The following RFTN2 variants were observed in gnomAD, a reference collection of about 807,000 sequenced individuals.
RFTN2 encodes the protein raftlin-2.
Under a neutral mutation model 52.7 loss-of-function variants are expected in RFTN2, and 34 were observed. The observed-to-expected ratio is 0.64, with a 90% confidence interval of 0.49 to 0.86. The LOEUF (loss-of-function observed/expected upper bound fraction) is 0.86, where lower values mean the gene tolerates loss of function less well. Ranked by LOEUF, RFTN2 falls within the 40% of genes least tolerant of loss-of-function variation. The pLI, the probability that RFTN2 is intolerant of heterozygous loss-of-function variation, is 0.00. For synonymous variants in RFTN2, 203 were observed against 217.7 expected, an observed-to-expected ratio of 0.93 and a Z score of 0.59; for missense variants, 536 against 600.1, an observed-to-expected ratio of 0.89 and a Z score of 1.12.
intron 7 of RFTN2, among the ~76,000 whole-genome samples, chr2:197,611,328 G>C (rs1030618713): frequency 2.0e-5 from 3 of 152,078 alleles, no homozygotes; most frequent in African/African-American, 7.2e-5. Context: ...ACTTCTTCCT[G>C]GTTTAGTCTT....
At chr2:197,640,656 C>G (rs943131112) in intron 3 of RFTN2, among the ~76,000 whole-genome samples, 7 of 152,234 alleles carry the variant, frequency 4.6e-5, no homozygotes, top group Non-Finnish European at 7.3e-5. Context: ...GTGAGATGAA[C>G]CCGGTACCTC....
intron 7 of RFTN2, among the ~76,000 whole-genome samples, chr2:197,600,393 C>T (rs1175887368): frequency 2.6e-5 from 4 of 152,104 alleles, no homozygotes; most frequent in East Asian, 1.9e-4. Flanking sequence ...TGAGATATGT[C>T]GGAAACTTCT....
At chr2:197,589,998 C>T (rs1274988475) in intron 8 of RFTN2, among the ~76,000 whole-genome samples, 1 of 152,138 alleles carries the variant, frequency 6.6e-6, no homozygotes, top group Admixed American at 6.5e-5. Context: ...CCTCCATCTC[C>T]CAGGCTCCAG....
intron 1 of RFTN2, among the ~76,000 whole-genome samples, chr2:197,665,974 ATGT>A (rs1216687738): frequency 6.6e-6 from 1 of 151,946 alleles, no homozygotes; most frequent in African/African-American, 2.4e-5. Context: ...ATGATGGTAA[ATGT>A]TGTCCTTTCA....
At chr2:197,662,295 T>G (rs1205114300) in intron 1 of RFTN2, among the ~76,000 whole-genome samples, 1 of 152,204 alleles carries the variant, frequency 6.6e-6, no homozygotes, top group Non-Finnish European at 1.5e-5. Context: ...CCAGTTTGAG[T>G]TGATTTTTGT....
intron 5 of RFTN2, among the ~76,000 whole-genome samples, chr2:197,626,154 G>C (rs149260916): frequency 1.3e-5 from 2 of 152,068 alleles, no homozygotes; most frequent in Non-Finnish European, 2.9e-5. Flanking sequence ...GAATGAATTG[G>C]AATAAATATC....
intron 1 of RFTN2, among the ~76,000 whole-genome samples, chr2:197,648,021 C>A (rs1234177459): frequency 6.6e-6 from 1 of 152,222 alleles, no homozygotes; most frequent in African/African-American, 2.4e-5. Flanking sequence ...TTGATTATCT[C>A]TTAAGTAACA....
intron 8 of RFTN2, among the ~76,000 whole-genome samples, chr2:197,589,171 G>A (rs941051686): frequency 7.6e-6 from 1 of 132,330 alleles, no homozygotes; most frequent in Non-Finnish European, 1.5e-5. Flanking sequence ...GCAGTGAGCT[G>A]AGACCATGCC....
intron 8 of RFTN2, among the ~76,000 whole-genome samples, chr2:197,581,303 CTT>C (rs2087504326): frequency 6.6e-6 from 1 of 152,202 alleles, no homozygotes; most frequent in Admixed American, 6.5e-5. Flanking sequence ...CCTGTACACT[CTT>C]TTGTCCTCAA....
intron 5 of RFTN2, 59 bp from the exon 6 acceptor site, chr2:197,617,980 A>G: frequency 3.0e-6 from 4 of 1,354,054 alleles, no homozygotes; most frequent in Non-Finnish European, 3.9e-6. Flanking sequence ...TCATAAAACC[A>G]TCTAAATCCT....
rs1199242919 is a variant in RFTN2, at chr2:197,602,025, TAA to T, written c.1155-5958_1155-5957del. 2.6e-5 allele frequency among the ~76,000 whole-genome samples: 4 copies of T among 152,100 alleles called. No homozygotes were observed. The East Asian group carries it at 7.7e-4, about 29-fold the overall frequency. On this transcript the variant is annotated intron_variant, in intron 7 of 8. Coordinates refer to ENST00000295049, the MANE Select transcript of RFTN2 (RefSeq NM_144629.3). Reference sequence around the variant, plus strand: ...AACAAACAAGCAACAAAAATGAAACTAAAAAAAAGTTCTATTTATAGTTTGAC... The same window carrying T: ...AACAAACAAGCAACAAAAATGAAACTAAAAAAGTTCTATTTATAGTTTGAC...
chr2:197,612,124 T>C (rs902820532), intron 7 of RFTN2, among the ~76,000 whole-genome samples: 2 of 152,208 alleles, frequency 1.3e-5, no homozygotes, highest in African/African-American at 2.4e-5. Context: ...GTCTATTAGG[T>C]TCACTTGAGG....
At position 197,589,359 on chromosome 2, in the gene RFTN2, T is replaced by C. The variant is rs72914994; in HGVS notation, c.1233+6632A>G. Among the ~76,000 whole-genome samples, 3 of 150,948 alleles carry C rather than the reference T, an allele frequency of 2.0e-5. No individual in the cohort carries two copies. In the East Asian group the frequency reaches 5.9e-4, roughly 30 times the overall value. ...CATGATTGTGAGGCCTCCTCAGCCA[T>C]GAGGAACTCTGAGTCCAGTTAAATC... On this transcript the variant is annotated intron_variant, in intron 8 of 8. Transcript: ENST00000295049.
intron 7 of RFTN2, among the ~76,000 whole-genome samples, chr2:197,604,520 A>G (rs1298194057): frequency 6.6e-6 from 1 of 152,212 alleles, no homozygotes; most frequent in Non-Finnish European, 1.5e-5. Flanking sequence ...ACTAAACTGT[A>G]TTGTTTAGGG....
intron 1 of RFTN2, among the ~76,000 whole-genome samples, chr2:197,672,031 A>G (rs2089153930): frequency 2.0e-5 from 3 of 152,224 alleles, no homozygotes; most frequent in Admixed American, 2.0e-4. Flanking sequence ...TGGATATACT[A>G]TAAGAAATCT....
chr2:197,577,429 C>A (rs183209514), intron 8 of RFTN2, among the ~76,000 whole-genome samples: 1 of 152,344 alleles, frequency 6.6e-6, no homozygotes, highest in Admixed American at 6.5e-5. Context: ...AATATCAGCT[C>A]TTCAGTTCTT....
Position 197,571,908 on chromosome 2 carries a change from C to A in RFTN2, c.*100G>T, listed in dbSNP as rs944382693. ...AGGAAAGGCTGGGTCTGGAAAAATTCAAAAATATTACATAAATGCAGAGAA... is the reference window on the plus strand; with the variant it reads ...AGGAAAGGCTGGGTCTGGAAAAATTAAAAAATATTACATAAATGCAGAGAA... On this transcript the variant is annotated 3_prime_UTR_variant, in exon 9 of 9. Transcript: ENST00000295049. 152 of 1,334,732 alleles carry A rather than the reference C, an allele frequency of 1.1e-4. No individual in the cohort carries two copies. The African/African-American group carries it at 1.7e-3, about 15-fold the overall frequency. The allele number at this position is 1,334,732 out of a possible 1,614,324, so 82.7% of individuals were successfully genotyped here.
In RFTN2 at chr2:197,644,189, G is replaced by T; in HGVS notation, c.407C>A (p.Thr136Lys). 1.9e-6 allele frequency: 3 copies of T among 1,611,778 alleles called. No individual in the cohort carries two copies. Among genetic ancestry groups the T allele is most frequent in the South Asian group, 2.2e-5 (2 of 91,040 alleles). ...TATCAGTTCTTTTGCTGCGTCATTTGTTTGTGCCTCAGAAGTTAGGGGACA... is the reference window on the plus strand; with the variant it reads ...TATCAGTTCTTTTGCTGCGTCATTTTTTTGTGCCTCAGAAGTTAGGGGACA... ...EECPLTSEAQ[T>K]NDAAKELIEK... The change falls in exon 3 of 9, where the codon ACA (threonine) becomes AAA (lysine). Residue 136 changes from threonine to lysine, a missense_variant. Thr to Lys is a moderately conservative substitution (Grantham distance 78). Transcript: ENST00000295049.
At chr2:197,577,486 G>A (rs910736832) in intron 8 of RFTN2, among the ~76,000 whole-genome samples, 32 of 152,192 alleles carry the variant, frequency 2.1e-4, no homozygotes, top group African/African-American at 6.3e-4. Context: ...TAATATATGC[G>A]GTGGAACCTG....
Sources: gnomAD v4.1 joint callset for allele counts (sites outside exome capture counted in the v4.1 genomes callset) on GRCh38, gnomAD v4.1.1 for gene constraint, MANE v1.5 for transcripts, NCBI Gene and HGNC (gene_info 2026-07-23, HGNC 2026-07-21) for gene names.